Variants in PCDHGA2 observed in about 807,000 individuals in gnomAD.
PCDHGA2 encodes the protein protocadherin gamma subfamily A, 2, also known as protocadherin gamma-A2.
A neutral mutation model predicts 59.2 loss-of-function variants in PCDHGA2; 40 were observed. The ratio of observed to expected loss-of-function variants is 0.68; its 90% CI spans 0.52 to 0.88. The LOEUF is 0.88. PCDHGA2 is among the 40% of genes least tolerant of loss of function. PCDHGA2 has a pLI of 0.00. For synonymous variants in PCDHGA2, 560 were observed against 526.0 expected (o/e 1.06, Z -0.89); for missense variants, 1,226 against 1,204.0 (o/e 1.02, Z -0.27).
At position 141,366,626 on chromosome 5, in the gene PCDHGA2, A is replaced by G. The variant is rs762991853; in HGVS notation, c.2424+25231A>G. ...CTCCCTCACCGCGGACTCGAGGAAG[A>G]GTCACCTGATCTTTCCCCAGCCCAA... On this transcript the variant is annotated intron_variant, in intron 1 of 3. Coordinates refer to ENST00000394576, the MANE Select transcript of PCDHGA2 (RefSeq NM_018915.4). 9 of 1,614,244 alleles carry G rather than the reference A, an allele frequency of 5.6e-6. No individual in the cohort carries two copies. The South Asian group carries it at 9.9e-5, about 18-fold the overall frequency.
At position 141,476,719 on chromosome 5, in the gene PCDHGA2, C is replaced by T; in HGVS notation, c.2425-18088C>T. ...ACGCGGAGCTGGTGTTGGAGCGCGC[C>T]CTGGACCGAGAACGGGAGCCTAGTC... On this transcript the variant is annotated intron_variant, in intron 1 of 3. Coordinates refer to ENST00000394576, the MANE Select transcript of PCDHGA2 (RefSeq NM_018915.4). The surrounding 1 kb of genome is among the most constrained non-coding windows in gnomAD (Gnocchi z 7.6). The T allele has an allele frequency of 6.2e-7, 1 of 1,614,154 alleles. No homozygotes were observed.
rs150518799 is a variant in PCDHGA2 at position 141,344,974 on chromosome 5, T to C, written c.2424+3579T>C. 1.9e-6 allele frequency: 3 copies of C among 1,613,896 alleles called. No homozygotes were observed. In the African/African-American group the frequency reaches 4.0e-5, roughly 22 times the overall value. On this transcript the variant is annotated intron_variant, in intron 1 of 3. Coordinates refer to ENST00000394576, the MANE Select transcript of PCDHGA2 (RefSeq NM_018915.4). ...AGTCTAGATTATGAGGATGCCATGTTCTATGAAATTAAAATTGAAGCACAG... is the reference window on the plus strand; with the variant it reads ...AGTCTAGATTATGAGGATGCCATGTCCTATGAAATTAAAATTGAAGCACAG...
intron 1 of PCDHGA2, among the ~76,000 whole-genome samples, chr5:141,452,068 A>G (rs554365813): frequency 1.1e-3 from 160 of 152,308 alleles, no homozygotes; most frequent in Middle Eastern, 6.8e-3. Flanking sequence ...TTCTACTTTT[A>G]TTAGTTGGCA....
intron 1 of PCDHGA2, chr5:141,479,478 G>T (rs760475025): frequency 2.6e-5 from 4 of 152,408 alleles, no homozygotes; most frequent in African/African-American, 9.6e-5. Context: ...TCTTGGGAGG[G>T]CAGGACCATC....
intron 1 of PCDHGA2, among the ~76,000 whole-genome samples, chr5:141,473,246 A>G (rs1045740920): frequency 7.2e-5 from 11 of 152,224 alleles, no homozygotes; most frequent in Admixed American, 4.6e-4. Context: ...AAGTGAATAC[A>G]TATATAGTCC....
intron 1 of PCDHGA2, chr5:141,403,667 GC>G: frequency 6.2e-7 from 1 of 1,613,910 alleles, no homozygotes; most frequent in Non-Finnish European, 8.5e-7. Context: ...AAATGATAAT[GC>G]CCCGGTTTTT....
chr5:141,430,761 T>G, intron 1 of PCDHGA2: 5 of 1,506,132 alleles, frequency 3.3e-6, no homozygotes, highest in Non-Finnish European at 3.5e-6. Context: ...AAGATAAGAA[T>G]GATTCCTGCG....
intron 1 of PCDHGA2, chr5:141,441,330 C>T (rs919906372): frequency 8.5e-5 from 13 of 152,170 alleles, no homozygotes; most frequent in Admixed American, 1.3e-4. Context: ...AATCTTCCTC[C>T]AATAATTAAC....
intron 1 of PCDHGA2, chr5:141,383,067 C>G: frequency 1.2e-6 from 2 of 1,613,822 alleles, no homozygotes; most frequent in South Asian, 1.1e-5. Flanking sequence ...GGCTGGAGCC[C>G]CGGGAGCTGG....
intron 1 of PCDHGA2, among the ~76,000 whole-genome samples, chr5:141,474,412 C>A (rs1282336092): frequency 6.6e-6 from 1 of 152,220 alleles, no homozygotes; most frequent in Non-Finnish European, 1.5e-5. Flanking sequence ...CCGGTGATGC[C>A]TAGACCATTG....
In PCDHGA2 at chr5:141,343,945, A is replaced by G. The variant is rs76671115; in HGVS notation, c.2424+2550A>G. On this transcript the variant is annotated intron_variant, in intron 1 of 3. Transcript: ENST00000394576. ...TGTTTGACCTGTGAATTAGGCCCGT[A>G]AAAGACTTCGTTTCTTGAGAAAATA... 1.8e-3 allele frequency: 2,263 copies of G among 1,276,612 alleles called. 34 individuals are homozygous for G. In the African/African-American group the frequency reaches 0.03, roughly 17 times the overall value. The allele number at this position is 1,276,612 out of a possible 1,614,324, so 79.1% of individuals were successfully genotyped here. A position where few individuals can be genotyped will look rare whatever the true frequency, so the allele number is the denominator to read the frequency against.
chr5:141,394,317 T>C, intron 1 of PCDHGA2: 1 of 1,613,972 alleles, frequency 6.2e-7, no homozygotes, highest in Non-Finnish European at 8.5e-7. Flanking sequence ...GGCGCCCCTG[T>C]CCTCGTATAT....
chr5:141,426,317 C>A, intron 1 of PCDHGA2: 1 of 173,952 alleles, frequency 5.7e-6, no homozygotes, highest in African/African-American at 2.4e-5. Flanking sequence ...AGAAGCAGGA[C>A]CCGGCAGTGG....
Position 141,485,954 on chromosome 5 carries a change from C to T in PCDHGA2, c.2425-8853C>T, listed in dbSNP as rs2154580519. The T allele has an allele frequency of 6.2e-7, 1 of 1,614,190 alleles. No individual in the cohort carries two copies. The highest frequency in any genetic ancestry group is 8.5e-7 in the Non-Finnish European group (1 of 1,180,038). ...GGAGAGCGCACCAGCGGGCATGGTG[C>T]TCATCCAGCTCAATGCCTCAGACCC... On this transcript the variant is annotated intron_variant, in intron 1 of 3. Coordinates refer to ENST00000394576, the MANE Select transcript of PCDHGA2 (RefSeq NM_018915.4). The surrounding 1 kb of genome is among the most constrained non-coding windows in gnomAD (Gnocchi z 5.7).
At chr5:141,348,085 G>C (rs1006588692) in intron 1 of PCDHGA2, among the ~76,000 whole-genome samples, 1 of 152,208 alleles carries the variant, frequency 6.6e-6, no homozygotes, top group African/African-American at 2.4e-5. Context: ...TCTTGAGCCA[G>C]AAATTGTTGG....
At position 141,511,106 on chromosome 5, in the gene PCDHGA2, G is replaced by T. The variant is rs536900646; in HGVS notation, c.2732G>T (p.Arg911Leu). ...NATLTNAAGK[R>L]DGKAPAGGNG... is the part of the protein sequence containing the mutation. Reference sequence around the variant, plus strand: ...ACACTGACCAACGCAGCTGGCAAGCGGGATGGCAAGGCCCCAGCAGGTGGC... The same window carrying T: ...ACACTGACCAACGCAGCTGGCAAGCTGGATGGCAAGGCCCCAGCAGGTGGC... Residue 911 changes from arginine to leucine, a missense_variant, in exon 4 of 4, where the codon CGG becomes CTG. Transcript: ENST00000394576. 8.7e-6 allele frequency: 14 copies of T among 1,614,196 alleles called. No individual in the cohort carries two copies. Among genetic ancestry groups the T allele is most frequent in the Non-Finnish European group, 1.2e-5 (14 of 1,180,016 alleles).
chr5:141,487,467 T>C lies in PCDHGA2; in HGVS notation c.2425-7340T>C. ...GATGACCCTATCAAGTTTGTTGATG[T>C]GGGAGGCCACTCTCATGGCTGTACA... On this transcript the variant is annotated intron_variant, in intron 1 of 3. Transcript: ENST00000394576. The surrounding 1 kb of genome is among the most constrained non-coding windows in gnomAD (Gnocchi z 5.0). 6.2e-7 allele frequency: 1 copy of C among 1,614,186 alleles called. No individual in the cohort carries two copies. The highest frequency in any genetic ancestry group is 8.5e-7 in the Non-Finnish European group (1 of 1,180,026).
At position 141,364,425 on chromosome 5, in the gene PCDHGA2, G is replaced by T; in HGVS notation, c.2424+23030G>T. 6.2e-7 allele frequency: 1 copy of T among 1,613,642 alleles called. No homozygotes were observed. Among genetic ancestry groups the T allele is most frequent in the Non-Finnish European group, 8.5e-7 (1 of 1,179,688 alleles). Reference sequence around the variant, plus strand: ...TGCGAGCCAGGATCCGGGCAGATCCGCTACTCGATGCCGGAGGAGCTGGAC... The same window carrying T: ...TGCGAGCCAGGATCCGGGCAGATCCTCTACTCGATGCCGGAGGAGCTGGAC... On this transcript the variant is annotated intron_variant, in intron 1 of 3. Coordinates refer to ENST00000394576, the MANE Select transcript of PCDHGA2 (RefSeq NM_018915.4).
At chr5:141,354,044 T>G (rs1441545131) in intron 1 of PCDHGA2, among the ~76,000 whole-genome samples, 2 of 152,356 alleles carry the variant, frequency 1.3e-5, no homozygotes, top group African/African-American at 2.4e-5. Context: ...CGATGGCACA[T>G]GCAATGATAA....
Sources: gnomAD v4.1 joint callset for allele counts (sites outside exome capture counted in the v4.1 genomes callset) on GRCh38, gnomAD v4.1.1 for gene constraint, Gnocchi (gnomAD v3.1) non-coding constraint, MANE v1.5 for transcripts, NCBI Gene and HGNC (gene_info 2026-07-23, HGNC 2026-07-21) for gene names.